OLA1: variants seen among roughly 807,000 people sequenced by gnomAD.
OLA1 encodes the protein Obg like ATPase 1.
OLA1 carries 14 observed loss-of-function variants against 48.4 expected under a neutral mutation model. The ratio of observed to expected loss-of-function variants is 0.29; its 90% CI spans 0.19 to 0.45. The LOEUF (loss-of-function observed/expected upper bound fraction) is 0.45. OLA1 is among the 20% of genes least tolerant of loss of function. The probability of loss-of-function intolerance (pLI) is 1.00; values close to 1 mark genes in which losing one functional copy is unlikely to be tolerated. For missense variants in OLA1, 325 were observed against 467.1 expected, an observed-to-expected ratio of 0.70 and a Z score of 2.80; for synonymous variants, 127 against 150.4, an observed-to-expected ratio of 0.84 and a Z score of 1.14.
chr2:174,160,332 G>A (rs1274518872), intron 4 of OLA1, among the ~76,000 whole-genome samples: 2 of 151,990 alleles, frequency 1.3e-5, no homozygotes, highest in South Asian at 2.1e-4. Flanking sequence ...GTTATTCAAC[G>A]TATAAACATT....
At chr2:174,117,161 A>G (rs551727014) in intron 7 of OLA1, among the ~76,000 whole-genome samples, 189 of 152,352 alleles carry the variant, frequency 1.2e-3, no homozygotes, top group Non-Finnish European at 2.4e-3. Context: ...ATCCAATAAC[A>G]GAAATAAAAA....
Position 174,073,951 on chromosome 2 carries a change from G to A in OLA1, c.*1475C>T, listed in dbSNP as rs1472946114. 1 of 152,054 alleles carries A rather than the reference G, an allele frequency of 6.6e-6. No homozygotes were observed. The highest frequency in any genetic ancestry group is 1.5e-5 in the Non-Finnish European group (1 of 68,004). 9.4% of individuals were successfully genotyped at this position (152,054 alleles called of 1,614,324 possible). ...TCTGCTGTAGTTTACTCATTTTTAT[G>A]TTAGCAAAAGAAGATCACTATTTGA... On this transcript the variant is annotated 3_prime_UTR_variant, in exon 11 of 11. Transcript: ENST00000284719.
At chr2:174,103,253 G>T (rs1400698138) in intron 7 of OLA1, among the ~76,000 whole-genome samples, 1 of 152,092 alleles carries the variant, frequency 6.6e-6, no homozygotes, top group Non-Finnish European at 1.5e-5. Flanking sequence ...ATATTTTTGT[G>T]CAGCGAATGG....
chr2:174,083,698 T>A (rs572372998), intron 7 of OLA1, among the ~76,000 whole-genome samples: 1 of 152,256 alleles, frequency 6.6e-6, no homozygotes, highest in East Asian at 1.9e-4. Context: ...TATTCAAATG[T>A]TATCATCAAT....
intron 4 of OLA1, among the ~76,000 whole-genome samples, chr2:174,144,305 G>A (rs1686528042): frequency 6.6e-6 from 1 of 151,998 alleles, no homozygotes; most frequent in Non-Finnish European, 1.5e-5. Flanking sequence ...CCTGCCCCAA[G>A]GTTAGTATTA....
chr2:174,112,323 G>A (rs1313234757), intron 7 of OLA1, among the ~76,000 whole-genome samples: 1 of 152,122 alleles, frequency 6.6e-6, no homozygotes, highest in Non-Finnish European at 1.5e-5. Flanking sequence ...CTCCATACTT[G>A]CTTTTCATTT....
chr2:174,075,826 A>C (rs1684723800), intron 10 of OLA1, among the ~76,000 whole-genome samples: 1 of 152,192 alleles, frequency 6.6e-6, no homozygotes, highest in Non-Finnish European at 1.5e-5. Flanking sequence ...TGTTTATGGT[A>C]CATTTCTGAT....
chr2:174,211,657 C>A (rs914434555), intron 4 of OLA1, among the ~76,000 whole-genome samples: 2 of 152,164 alleles, frequency 1.3e-5, no homozygotes, highest in Non-Finnish European at 2.9e-5. Flanking sequence ...ATTTCTCCCT[C>A]CACCCCAGTT....
At chr2:174,094,231 A>C (rs1289168814) in intron 7 of OLA1, among the ~76,000 whole-genome samples, 2 of 152,242 alleles carry the variant, frequency 1.3e-5, no homozygotes, top group African/African-American at 4.8e-5. Context: ...TATATTTAAC[A>C]AAAGAAGTGT....
chr2:174,126,675 T>A (rs1160716094), intron 5 of OLA1, among the ~76,000 whole-genome samples: 1 of 152,216 alleles, frequency 6.6e-6, no homozygotes, highest in Non-Finnish European at 1.5e-5. Context: ...TAGGGAGTGT[T>A]GTGAAGATTA....
intron 5 of OLA1, among the ~76,000 whole-genome samples, chr2:174,137,994 T>TCAAAA (rs1686352519): frequency 6.6e-6 from 1 of 152,296 alleles, no homozygotes; most frequent in South Asian, 2.1e-4. Context: ...AGACACCATG[T>TCAAAA]CAAAACAAAA....
rs1227343252 is a variant in OLA1 at position 174,075,210 on chromosome 2, C to A, written c.*216G>T. 2 of 447,516 alleles carry A rather than the reference C, an allele frequency of 4.5e-6. No individual in the cohort carries two copies. The highest frequency in any genetic ancestry group is 4.0e-5 in the Admixed American group (1 of 24,866). 27.7% of individuals were successfully genotyped at this position (447,516 alleles called of 1,614,324 possible). ...ACAATTTGGAGTAGGGTCTTAATCACGTGAAAAGCAAAGCTGTTCACATTT... is the reference window on the plus strand; with the variant it reads ...ACAATTTGGAGTAGGGTCTTAATCAAGTGAAAAGCAAAGCTGTTCACATTT... On this transcript the variant is annotated 3_prime_UTR_variant, in exon 11 of 11. Coordinates refer to ENST00000284719, the MANE Select transcript of OLA1 (RefSeq NM_013341.5).
At chr2:174,110,722 T>C (rs1685629153) in intron 7 of OLA1, among the ~76,000 whole-genome samples, 1 of 152,122 alleles carries the variant, frequency 6.6e-6, no homozygotes, top group Non-Finnish European at 1.5e-5. Flanking sequence ...GCTGGGACTA[T>C]AGGCGCATGC....
intron 7 of OLA1, among the ~76,000 whole-genome samples, chr2:174,109,429 T>C (rs1458585532): frequency 6.6e-6 from 1 of 152,204 alleles, no homozygotes; most frequent in Non-Finnish European, 1.5e-5. Context: ...ACCATAATCA[T>C]GAACTGTGTA....
intron 4 of OLA1, among the ~76,000 whole-genome samples, chr2:174,144,352 C>A (rs184926216): frequency 6.6e-6 from 1 of 151,668 alleles, no homozygotes; most frequent in Non-Finnish European, 1.5e-5. Context: ...TGGTAACATA[C>A]CATAAGTAGA....
chr2:174,204,283 C>T (rs1688060764), intron 4 of OLA1, among the ~76,000 whole-genome samples: 1 of 152,014 alleles, frequency 6.6e-6, no homozygotes. Context: ...CGCCTGTAGT[C>T]CCAGCTACTC....
At chr2:174,167,540 C>T (rs1687194833) in intron 4 of OLA1, among the ~76,000 whole-genome samples, 1 of 152,208 alleles carries the variant, frequency 6.6e-6, no homozygotes, top group Non-Finnish European at 1.5e-5. Context: ...TGCACCATTG[C>T]ACTCCAGCCT....
intron 2 of OLA1, among the ~76,000 whole-genome samples, chr2:174,235,304 G>A (rs1688822402): frequency 6.6e-6 from 1 of 152,136 alleles, no homozygotes; most frequent in Non-Finnish European, 1.5e-5. Flanking sequence ...ATTAAAAAGA[G>A]AAAGTAAATA....
chr2:174,205,089 A>G (rs1441896499), intron 4 of OLA1, among the ~76,000 whole-genome samples: 1 of 152,208 alleles, frequency 6.6e-6, no homozygotes, highest in Non-Finnish European at 1.5e-5. Context: ...AAATTATCGC[A>G]TATAGTAAAC....
Sources: gnomAD v4.1 joint callset for allele counts (sites outside exome capture counted in the v4.1 genomes callset) on GRCh38, gnomAD v4.1.1 for gene constraint, MANE v1.5 for transcripts, NCBI Gene and HGNC (gene_info 2026-07-23, HGNC 2026-07-21) for gene names.